The following SUSD4 variants were observed in gnomAD, a reference collection of about 807,000 sequenced individuals.
SUSD4 encodes sushi domain containing 4.
In SUSD4, 41 loss-of-function variants were observed where a neutral mutation model predicts 50.5. That is an observed-to-expected ratio of 0.81 (90% CI 0.63 to 1.05). SUSD4 has a LOEUF of 1.05. Among genes scored for constraint, SUSD4 ranks in the 50% least tolerant of loss-of-function variants. The probability of loss-of-function intolerance (pLI) is 0.00; values close to 1 mark genes in which losing one functional copy is unlikely to be tolerated. For synonymous variants in SUSD4, 257 were observed against 257.3 expected (o/e 1.00, Z 0.01); for missense variants, 580 against 634.7 (o/e 0.91, Z 0.93).
chr1:223,255,115 A>G (rs1478465653), intron 5 of SUSD4, among the ~76,000 whole-genome samples: 1 of 152,242 alleles, frequency 6.6e-6, no homozygotes, highest in East Asian at 1.9e-4. Context: ...TGCCCAGGCC[A>G]TAGAATTCAT....
At chr1:223,296,342 T>C (rs1664821688) in intron 2 of SUSD4, among the ~76,000 whole-genome samples, 1 of 152,108 alleles carries the variant, frequency 6.6e-6, no homozygotes, top group African/African-American at 2.4e-5. Flanking sequence ...GGCAGTGCCA[T>C]GTGCTCAGAT....
At chr1:223,232,286 G>A (rs548124472) in intron 5 of SUSD4, among the ~76,000 whole-genome samples, 2 of 152,248 alleles carry the variant, frequency 1.3e-5, no homozygotes, top group African/African-American at 4.8e-5. Flanking sequence ...ATTATACACT[G>A]GAAATTCACT....
At chr1:223,291,436 C>T (rs1416031647) in intron 3 of SUSD4, among the ~76,000 whole-genome samples, 2 of 127,832 alleles carry the variant, frequency 1.6e-5, no homozygotes, top group African/African-American at 6.4e-5. Context: ...TTGCAGTGAG[C>T]CAAGATTGTG....
At chr1:223,264,334 AT>A in intron 5 of SUSD4, 1 of 1,104,814 alleles carries the variant, frequency 9.1e-7, no homozygotes, top group Non-Finnish European at 1.1e-6. Flanking sequence ...GAGAAAATTA[AT>A]TTTTGAAGAC....
chr1:223,282,562 A>G (rs1663821559), intron 3 of SUSD4, among the ~76,000 whole-genome samples: 1 of 152,226 alleles, frequency 6.6e-6, no homozygotes, highest in Admixed American at 6.5e-5. Flanking sequence ...AAGGAGAACT[A>G]CAAACCACTG....
chr1:223,352,671 C>T (rs1260165828), intron 2 of SUSD4, among the ~76,000 whole-genome samples: 1 of 152,156 alleles, frequency 6.6e-6, no homozygotes, highest in Admixed American at 6.5e-5. Flanking sequence ...CCCACAGACA[C>T]CCAGAAGCAG....
intron 2 of SUSD4, among the ~76,000 whole-genome samples, chr1:223,313,079 C>T (rs17487717): frequency 0.72 from 109,581 of 152,054 alleles, 39,896 homozygotes; most frequent in Non-Finnish European, 0.79. Flanking sequence ...TTATTCATGG[C>T]GAACCTTGAT....
chr1:223,330,795 A>C (rs551076421), intron 2 of SUSD4, among the ~76,000 whole-genome samples: 2 of 152,324 alleles, frequency 1.3e-5, no homozygotes, highest in South Asian at 4.1e-4. Context: ...TATTCACCAT[A>C]GCTGGTGGGT....
chr1:223,355,817 GGAT>G (rs1281775899), intron 2 of SUSD4, among the ~76,000 whole-genome samples: 1 of 152,108 alleles, frequency 6.6e-6, no homozygotes, highest in Admixed American at 6.5e-5. Flanking sequence ...CAATGGATTG[GGAT>G]GATAATGAAA....
chr1:223,273,541 T>C (rs979612000), intron 3 of SUSD4, among the ~76,000 whole-genome samples: 4 of 152,362 alleles, frequency 2.6e-5, no homozygotes, highest in East Asian at 1.9e-4. Flanking sequence ...GCAGGGGCCT[T>C]CGCCATGCCA....
chr1:223,267,475 G>A (rs761119348), intron 4 of SUSD4, among the ~76,000 whole-genome samples: 3 of 152,106 alleles, frequency 2.0e-5, no homozygotes, highest in Admixed American at 1.3e-4. Flanking sequence ...TTGTTTTGTA[G>A]ACACCTGAAA....
intron 2 of SUSD4, among the ~76,000 whole-genome samples, chr1:223,309,602 T>C (rs1379087386): frequency 6.6e-6 from 1 of 152,166 alleles, no homozygotes; most frequent in African/African-American, 2.4e-5. Flanking sequence ...AGATTATATT[T>C]AATTTAGAGA....
intron 3 of SUSD4, among the ~76,000 whole-genome samples, chr1:223,289,917 A>T (rs889506416): frequency 6.6e-6 from 1 of 152,206 alleles, no homozygotes; most frequent in African/African-American, 2.4e-5. Flanking sequence ...GATTAATTCC[A>T]GCCAGGCTGC....
At position 223,334,693 on chromosome 1, in the gene SUSD4, T is replaced by A. The variant is rs146243879; in HGVS notation, c.148+28585A>T. 9.5e-3 allele frequency among the ~76,000 whole-genome samples: 1,450 copies of A among 152,196 alleles called. 19 individuals carry two copies. Among genetic ancestry groups the A allele is most frequent in the African/African-American group, 0.034 (1,394 of 41,540 alleles). On this transcript the variant is annotated intron_variant, in intron 2 of 8. Coordinates refer to ENST00000366878, the MANE Select transcript of SUSD4 (RefSeq NM_017982.4). ...CTTCAAAATTATGAGGGAAATTTTT[T>A]AAAATTTTTTATTTCCGTAGGTTTT...
In SUSD4 at chr1:223,332,961, T is replaced by C. The variant is rs1161565218; in HGVS notation, c.148+30317A>G. On this transcript the variant is annotated intron_variant, in intron 2 of 8. Transcript: ENST00000366878. This position sits in a 1 kb window ranked among gnomAD's most constrained non-coding sequence, Gnocchi z 4.0. ...TACTCTGCGTGGAAGCTGCCGCAAC[T>C]GCACACCACACCCTCCTCTCCCACA... Among the ~76,000 whole-genome samples the C allele has an allele frequency of 2.0e-5, 3 of 152,126 alleles. No homozygotes were observed. Among genetic ancestry groups the C allele is most frequent in the Non-Finnish European group, 2.9e-5 (2 of 68,032 alleles).
intron 2 of SUSD4, among the ~76,000 whole-genome samples, chr1:223,295,422 G>A (rs1664756081): frequency 6.6e-6 from 1 of 152,176 alleles, no homozygotes; most frequent in Non-Finnish European, 1.5e-5. Context: ...ACCAGTGTCA[G>A]CTCTCATAAT....
intron 2 of SUSD4, among the ~76,000 whole-genome samples, chr1:223,336,342 T>C (rs1422959725): frequency 3.3e-5 from 5 of 152,204 alleles, no homozygotes; most frequent in Non-Finnish European, 7.3e-5. Flanking sequence ...CTGTCGTCAT[T>C]CCCCATATTA....
rs1032617890 is a variant in SUSD4, at chr1:223,221,948, C to T, written c.*244G>A. The T allele has an allele frequency of 3.5e-5, 17 of 480,754 alleles. No homozygotes were observed. The highest frequency in any genetic ancestry group is 2.0e-4 in the African/African-American group (10 of 50,414). The allele number at this position is 480,754 out of a possible 1,614,324, so 29.8% of individuals were successfully genotyped here. ...TTAACACCCCTCATCCAAGACCACGCGAGGGCTTCCCTGCTGCCCCGGTTC... is the reference window on the plus strand; with the variant it reads ...TTAACACCCCTCATCCAAGACCACGTGAGGGCTTCCCTGCTGCCCCGGTTC... On this transcript the variant is annotated 3_prime_UTR_variant, in exon 9 of 9. Coordinates refer to ENST00000366878, the MANE Select transcript of SUSD4 (RefSeq NM_017982.4).
At chr1:223,351,696 T>C (rs1042297925) in intron 2 of SUSD4, among the ~76,000 whole-genome samples, 22 of 151,940 alleles carry the variant, frequency 1.4e-4, no homozygotes, top group African/African-American at 5.3e-4. Flanking sequence ...CTAACATGAA[T>C]TTTGTTCCAC....
Sources: allele counts gnomAD v4.1 joint callset (sites outside exome capture counted in the v4.1 genomes callset), GRCh38; gene constraint gnomAD v4.1.1; non-coding constraint Gnocchi (gnomAD v3.1); transcripts MANE v1.5; gene names NCBI Gene and HGNC (gene_info 2026-07-23, HGNC 2026-07-21).